The following RGS2 variants were observed in gnomAD, a reference collection of about 807,000 sequenced individuals.
RGS2 encodes the protein regulator of G protein signaling 2.
A neutral mutation model predicts 26.6 loss-of-function variants in RGS2; 20 were observed. That is an observed-to-expected ratio of 0.75 (90% CI 0.53 to 1.09). The LOEUF (loss-of-function observed/expected upper bound fraction) is 1.09. Among genes scored for constraint, RGS2 ranks in the 50% least tolerant of loss-of-function variants. The probability of loss-of-function intolerance (pLI) is 0.00; values close to 1 mark genes in which losing one functional copy is unlikely to be tolerated. For missense variants in RGS2, 246 were observed against 245.5 expected, an observed-to-expected ratio of 1.00 and a Z score of -0.01; for synonymous variants, 97 against 79.9, an observed-to-expected ratio of 1.21 and a Z score of -1.14.
chr1:192,811,352 TA>T, intron 4 of RGS2, 49 bp from the exon 5 acceptor site: 2 of 1,481,302 alleles, frequency 1.4e-6, no homozygotes, highest in Non-Finnish European at 1.9e-6. Context: ...TACTAAATTT[TA>T]ATCTTTAACT....
chr1:192,811,588 G>A lies in RGS2; in HGVS notation c.628G>A (p.Ala210Thr), dbSNP rs1470166817. ...KKPQITTEPH[A>T]T ...GCCACAAATCACCACAGAGCCTCAT[G>A]CTACATGAAATGTAAAAGGGAGCCC... Residue 210 changes from alanine to threonine, a missense_variant, in exon 5 of 5, where the codon GCT becomes ACT. Transcript: ENST00000235382. 3 of 1,613,902 alleles carry A rather than the reference G, an allele frequency of 1.9e-6. No individual in the cohort carries two copies. The highest frequency in any genetic ancestry group is 2.5e-6 in the Non-Finnish European group (3 of 1,179,906).
In RGS2 at chr1:192,810,040, C is replaced by A. The variant is rs74626315; in HGVS notation, c.111-126C>A. ...GTGGATAAGACTTATTTGAAGAGTT[C>A]TTGCTTTGCCTTATGCGGTTTGTCT... On this transcript the variant is annotated intron_variant, in intron 1 of 4. Transcript: ENST00000235382. The A allele has an allele frequency of 7.4e-3, 5,172 of 697,370 alleles. 194 individuals carry two copies. The Admixed American group carries it at 0.075, about 10-fold the overall frequency. 43.2% of individuals were successfully genotyped at this position (697,370 alleles called of 1,614,324 possible).
chr1:192,809,378 A>G, intron 1 of RGS2, 197 bp downstream of exon 1: 2 of 603,236 alleles, frequency 3.3e-6, no homozygotes, highest in Admixed American at 4.9e-5. Context: ...CGAGGGAGAC[A>G]GTTGATATGA....
chr1:192,811,930 G>A lies in RGS2; in HGVS notation c.*334G>A. 1 of 351,454 alleles carries A rather than the reference G, an allele frequency of 2.8e-6. No homozygotes were observed. Among genetic ancestry groups the A allele is most frequent in the South Asian group, 2.6e-5 (1 of 38,580 alleles). 21.8% of individuals were successfully genotyped at this position (351,454 alleles called of 1,614,324 possible). A position where few individuals can be genotyped will look rare whatever the true frequency, so the allele number is the denominator to read the frequency against. On this transcript the variant is annotated 3_prime_UTR_variant, in exon 5 of 5. Coordinates refer to ENST00000235382, the MANE Select transcript of RGS2 (RefSeq NM_002923.4). ...AAGCATTTAAAATCAATAGATCTGG[G>A]ATTATGTGGCCTTAGGTAGCTGGTT...
rs1251278406 is a variant in RGS2, at chr1:192,812,271, T to C, written c.*675T>C. On this transcript the variant is annotated 3_prime_UTR_variant, in exon 5 of 5. Coordinates refer to ENST00000235382, the MANE Select transcript of RGS2 (RefSeq NM_002923.4). ...AATAAATTTATTTTGATAAATAATATTGAACACTTGGAGTCTAGATGTGAT... is the reference window on the plus strand; with the variant it reads ...AATAAATTTATTTTGATAAATAATACTGAACACTTGGAGTCTAGATGTGAT... The C allele has an allele frequency of 1.3e-5, 2 of 152,714 alleles. No homozygotes were observed. The highest frequency in any genetic ancestry group is 4.8e-5 in the African/African-American group (2 of 41,440). 9.5% of individuals were successfully genotyped at this position (152,714 alleles called of 1,614,324 possible).
rs1665592130 is a variant in RGS2 at position 192,811,521 on chromosome 1, T to C, written c.561T>C (p.Pro187=). The change falls in exon 5 of 5, where the codon CCT becomes CCC. Residue 187 remains proline (P), a synonymous_variant. Coordinates refer to ENST00000235382, the MANE Select transcript of RGS2 (RefSeq NM_002923.4). ...GCTTGATGGAGAACAACTCTTATCC[T>C]CGTTTCTTGGAGTCAGAATTCTACC... ...VYSLMENNSY[P]RFLESEFYQD... 6.2e-7 allele frequency: 1 copy of C among 1,614,166 alleles called. No individual in the cohort carries two copies. Among genetic ancestry groups the C allele is most frequent in the Non-Finnish European group, 8.5e-7 (1 of 1,179,988 alleles).
In RGS2 at chr1:192,809,201, C is replaced by T. The variant is rs1422724104; in HGVS notation, c.110+20C>T. 1.6e-5 allele frequency: 24 copies of T among 1,534,006 alleles called. No individual in the cohort carries two copies. The highest frequency in any genetic ancestry group is 2.7e-5 in the African/African-American group (2 of 73,364). Reference sequence around the variant, plus strand: ...GACCCTGTGAGTATGGCTTTCTTCCCTCTCCCGCCACCCCCTGCCCCACAC... The same window carrying T: ...GACCCTGTGAGTATGGCTTTCTTCCTTCTCCCGCCACCCCCTGCCCCACAC... On this transcript the variant is annotated intron_variant, in intron 1 of 4. Transcript: ENST00000235382.
rs760672186 is a variant in RGS2, at chr1:192,809,075, C to G, written c.4C>G (p.Gln2Glu). 3 of 1,611,368 alleles carry G rather than the reference C, an allele frequency of 1.9e-6. No individual in the cohort carries two copies. Among genetic ancestry groups the G allele is most frequent in the Admixed American group, 1.7e-5 (1 of 60,018 alleles). The change falls in exon 1 of 5, where the codon CAA becomes GAA. Residue 2 changes from glutamine to glutamate, a missense_variant. Physicochemically the swap from Gln to Glu is conservative, Grantham distance 29. Transcript: ENST00000235382. ...GGGCTCCAGCGGGAGAACGATAATG[C>G]AAAGTGCTATGTTCTTGGCTGTTCA... M[Q>E]SAMFLAVQHD... is the part of the protein sequence containing the mutation.
chr1:192,809,441 A>G, intron 1 of RGS2: 1 of 497,904 alleles, frequency 2.0e-6, no homozygotes, highest in East Asian at 3.8e-5. Context: ...GTCCTCCTGC[A>G]TTCAAAATGA....
In RGS2 at chr1:192,810,233, A is replaced by G; in HGVS notation, c.178A>G (p.Thr60Ala). 1 of 1,614,146 alleles carries G rather than the reference A, an allele frequency of 6.2e-7. No homozygotes were observed. The highest frequency in any genetic ancestry group is 8.5e-7 in the Non-Finnish European group (1 of 1,179,956). ...QNSSTPGKPK[T>A]GKKSKQQAFI... ...TTCCTCTACTCCTGGGAAGCCCAAA[A>G]CCGGCAAAAAAAGCAAACAGCAAGC... Residue 60 changes from threonine to alanine, a missense_variant, in exon 2 of 5, where the codon ACC becomes GCC. Physicochemically the swap from Thr to Ala is moderately conservative, Grantham distance 58 (BLOSUM62 0). Transcript: ENST00000235382.
rs747947152 is a variant in RGS2, at chr1:192,811,546, C to T, written c.586C>T (p.Gln196Ter). The T allele has an allele frequency of 4.3e-6, 7 of 1,613,978 alleles. No homozygotes were observed. The highest frequency in any genetic ancestry group is 2.7e-5 in the African/African-American group (2 of 74,900). The change falls in exon 5 of 5, where the codon CAG becomes TAG. Residue 196 changes from glutamine (Q) to a stop codon, truncating the protein, a stop_gained. Coordinates refer to ENST00000235382, the MANE Select transcript of RGS2 (RefSeq NM_002923.4). LOFTEE classifies it high-confidence loss of function. ...TCGTTTCTTGGAGTCAGAATTCTAC[C>T]AGGACTTGTGTAAAAAGCCACAAAT... is the stretch of plus-strand genomic sequence containing the variant. Reference protein sequence around the residue: ...YPRFLESEFYQDLCKKPQITT... With the variant: ...YPRFLESEFY
Position 192,809,170 on chromosome 1 carries a change from G to GA in RGS2, c.102dup (p.Arg35ThrfsTer41). 2 of 1,610,988 alleles carry GA rather than the reference G, an allele frequency of 1.2e-6. No individual in the cohort carries two copies. Among genetic ancestry groups the GA allele is most frequent in the Non-Finnish European group, 1.7e-6 (2 of 1,177,152 alleles). On this transcript the variant is annotated frameshift_variant, in exon 1 of 5. Coordinates refer to ENST00000235382, the MANE Select transcript of RGS2 (RefSeq NM_002923.4). LOFTEE classifies it high-confidence loss of function. ...AGAGCGAGGAGAAGCGAGAAAAGAT[G>GA]AAACGGACCCTGTGAGTATGGCTTT...
Position 192,809,165 on chromosome 1 carries a change from A to G in RGS2, c.94A>G (p.Lys32Glu). The change falls in exon 1 of 5, where the codon AAG becomes GAG. Residue 32 changes from lysine to glutamate, a missense_variant. By Grantham distance (56) the Lys-to-Glu change is moderately conservative. Coordinates refer to ENST00000235382, the MANE Select transcript of RGS2 (RefSeq NM_002923.4). ...CCACAAGAGCGAGGAGAAGCGAGAA[A>G]AGATGAAACGGACCCTGTGAGTATG... ...SGHKSEEKRE[K>E]MKRTLLKDWK... is the part of the protein sequence containing the mutation. 1 of 1,612,340 alleles carries G rather than the reference A, an allele frequency of 6.2e-7. No homozygotes were observed. Among genetic ancestry groups the G allele is most frequent in the Non-Finnish European group, 8.5e-7 (1 of 1,178,360 alleles).
rs1007784918 is a variant in RGS2, at chr1:192,809,291, G to A, written c.110+110G>A. On this transcript the variant is annotated intron_variant, in intron 1 of 4. Transcript: ENST00000235382. ...CGTTAGGAAACTAGCCTGAGCCTAT[G>A]CAGGGAAAAAAAATCGAAAAGGTCA... is the stretch of plus-strand genomic sequence containing the variant. The A allele has an allele frequency of 7.4e-6, 6 of 813,742 alleles. No individual in the cohort carries two copies. In the African/African-American group the frequency reaches 8.4e-5, roughly 11 times the overall value. The allele number at this position is 813,742 out of a possible 1,614,324, so 50.4% of individuals were successfully genotyped here. A position where few individuals can be genotyped will look rare whatever the true frequency, so the allele number is the denominator to read the frequency against.
In RGS2 at chr1:192,811,385, TTTTTG is replaced by T. The variant is rs1355299889; in HGVS notation, c.442-12_442-8del. On this transcript the variant is annotated splice_polypyrimidine_tract_variant and intron_variant, in intron 4 of 4. Coordinates refer to ENST00000235382, the MANE Select transcript of RGS2 (RefSeq NM_002923.4). ...AACTCTGAATACCAAATAAACAACT[TTTTTG>T]TTTTATTTCAGATAAACATAGATTT... 6.3e-7 allele frequency: 1 copy of T among 1,594,776 alleles called. No homozygotes were observed.
chr1:192,810,959 CTCT>C lies in RGS2; in HGVS notation c.275-21_275-19del. On this transcript the variant is annotated intron_variant, in intron 3 of 4. Coordinates refer to ENST00000235382, the MANE Select transcript of RGS2 (RefSeq NM_002923.4). ...CTCTCAGTTCTTCACATTCTGCATG[CTCT>C]CTTTTCTCCCCCCTTCAGATGGTCT... The C allele has an allele frequency of 1.2e-6, 1 of 859,482 alleles. No individual in the cohort carries two copies. The highest frequency in any genetic ancestry group is 1.6e-6 in the Non-Finnish European group (1 of 637,598). The allele number at this position is 859,482 out of a possible 1,614,324, so 53.2% of individuals were successfully genotyped here.
In RGS2 at chr1:192,811,732, G is replaced by A; in HGVS notation, c.*136G>A. The A allele has an allele frequency of 1.1e-6, 1 of 873,140 alleles. No homozygotes were observed. Among genetic ancestry groups the A allele is most frequent in the Non-Finnish European group, 1.9e-6 (1 of 525,456 alleles). The allele number at this position is 873,140 out of a possible 1,614,324, so 54.1% of individuals were successfully genotyped here. A position where few individuals can be genotyped will look rare whatever the true frequency, so the allele number is the denominator to read the frequency against. Reference sequence around the variant, plus strand: ...CATCACTCAGAACTATTGATTCAAAGTTGGGTAGTGAATCAGGAAGCCAGT... The same window carrying A: ...CATCACTCAGAACTATTGATTCAAAATTGGGTAGTGAATCAGGAAGCCAGT... On this transcript the variant is annotated 3_prime_UTR_variant, in exon 5 of 5. Coordinates refer to ENST00000235382, the MANE Select transcript of RGS2 (RefSeq NM_002923.4).
rs780414391 is a variant in RGS2 at position 192,810,408 on chromosome 1, T to C, written c.251T>C (p.Phe84Ser). Residue 84 changes from phenylalanine to serine, a missense_variant, in exon 3 of 5, where the codon TTT (phenylalanine) becomes TCT (serine). Coordinates refer to ENST00000235382, the MANE Select transcript of RGS2 (RefSeq NM_002923.4). ...PEEAQLWSEA[F>S]DELLASKYGL... ...GAAGCACAGCTGTGGTCAGAAGCAT[T>C]TGACGAGCTGCTAGCCAGCAAATGT... is the stretch of plus-strand genomic sequence containing the variant. The C allele has an allele frequency of 1.3e-5, 21 of 1,614,198 alleles. No homozygotes were observed. The highest frequency in any genetic ancestry group is 1.8e-5 in the Non-Finnish European group (21 of 1,180,026).
rs1161579274 is a variant in RGS2, at chr1:192,811,680, T to C, written c.*84T>C. On this transcript the variant is annotated 3_prime_UTR_variant, in exon 5 of 5. Transcript: ENST00000235382. ...CTGTGACCTGCCATAAAGACTGACC[T>C]TGAATTCAGCCTGGGTGTTCAGGAA... 7.7e-7 allele frequency: 1 copy of C among 1,305,738 alleles called. No individual in the cohort carries two copies. 80.9% of individuals were successfully genotyped at this position (1,305,738 alleles called of 1,614,324 possible). A position where few individuals can be genotyped will look rare whatever the true frequency, so the allele number is the denominator to read the frequency against.
Sources: gnomAD v4.1 joint callset for allele counts on GRCh38, gnomAD v4.1.1 for gene constraint, MANE v1.5 for transcripts, NCBI Gene and HGNC (gene_info 2026-07-23, HGNC 2026-07-21) for gene names.